YAP1: variants seen among roughly 807,000 people sequenced by gnomAD.
The protein encoded by YAP1 is Yes1 associated transcriptional regulator, also known as transcriptional coactivator YAP1.
Under a neutral mutation model 56.9 loss-of-function variants are expected in YAP1, and 5 were observed. The observed-to-expected ratio is 0.09, with a 90% confidence interval of 0.05 to 0.18. The LOEUF is 0.18. YAP1 is among the 10% of genes least tolerant of loss of function. The pLI, the probability that YAP1 is intolerant of heterozygous loss-of-function variation, is 1.00. For missense variants in YAP1, 539 were observed against 651.8 expected, an observed-to-expected ratio of 0.83 and a Z score of 1.88; for synonymous variants, 265 against 248.1, an observed-to-expected ratio of 1.07 and a Z score of -0.64.
chr11:102,184,454 G>C (rs1413894492), intron 3 of YAP1, among the ~76,000 whole-genome samples: 1 of 152,172 alleles, frequency 6.6e-6, no homozygotes, highest in Non-Finnish European at 1.5e-5. Flanking sequence ...CTCTGGACTT[G>C]GTTAGTAGTG....
chr11:102,232,516 C>G lies in YAP1; in HGVS notation c.*2576C>G, dbSNP rs368664317. ...CAGTACTGTGATACCTGGCACAGTG[C>G]TTTGATCTTACGATGCCCTCTGTAC... On this transcript the variant is annotated 3_prime_UTR_variant, in exon 9 of 9. Coordinates refer to ENST00000282441, the MANE Select transcript of YAP1 (RefSeq NM_001130145.3). 1 of 152,458 alleles carries G rather than the reference C, an allele frequency of 6.6e-6. No individual in the cohort carries two copies. The highest frequency in any genetic ancestry group is 2.4e-5 in the African/African-American group (1 of 41,430). 9.4% of individuals were successfully genotyped at this position (152,458 alleles called of 1,614,324 possible).
chr11:102,167,644 G>A (rs1366900991), intron 3 of YAP1, among the ~76,000 whole-genome samples: 1 of 152,186 alleles, frequency 6.6e-6, no homozygotes, highest in Non-Finnish European at 1.5e-5. Flanking sequence ...TGAGGCAGGA[G>A]AATCACTTGA....
intron 4 of YAP1, among the ~76,000 whole-genome samples, chr11:102,190,568 G>A (rs949053121): frequency 6.6e-6 from 1 of 152,204 alleles, no homozygotes; most frequent in South Asian, 2.1e-4. Context: ...AGAGGTTGCA[G>A]TGAGTGAATA....
In YAP1 at chr11:102,226,040, C is replaced by T. The variant is rs569147903; in HGVS notation, c.1164-1429C>T. Reference sequence around the variant, plus strand: ...CCCCTGTGGTTTGGAATGAACTCTGCGCAACTCTGTAAGTTCAGTTATTCA... The same window carrying T: ...CCCCTGTGGTTTGGAATGAACTCTGTGCAACTCTGTAAGTTCAGTTATTCA... On this transcript the variant is annotated intron_variant, in intron 7 of 8. Coordinates refer to ENST00000282441, the MANE Select transcript of YAP1 (RefSeq NM_001130145.3). Among the ~76,000 whole-genome samples the T allele has an allele frequency of 9.9e-5, 15 of 152,282 alleles. No individual in the cohort carries two copies. In the South Asian group the frequency reaches 2.9e-3, roughly 29 times the overall value.
intron 3 of YAP1, among the ~76,000 whole-genome samples, chr11:102,166,685 C>T (rs545515962): frequency 2.0e-5 from 3 of 152,312 alleles, no homozygotes; most frequent in Admixed American, 6.5e-5. Flanking sequence ...AAAGCTACAC[C>T]GTGCTTTTGA....
rs899190486 is a variant in YAP1, at chr11:102,230,754, T to C, written c.*814T>C. The C allele has an allele frequency of 2.0e-5, 3 of 152,590 alleles. No homozygotes were observed. Among genetic ancestry groups the C allele is most frequent in the African/African-American group, 7.2e-5 (3 of 41,438 alleles). 9.5% of individuals were successfully genotyped at this position (152,590 alleles called of 1,614,324 possible). On this transcript the variant is annotated 3_prime_UTR_variant, in exon 9 of 9. Transcript: ENST00000282441. ...AGGCAAATGACCATATTAGTGAATC[T>C]GTTAATAGTTGTAGCTTGGGATGGT...
intron 4 of YAP1, among the ~76,000 whole-genome samples, chr11:102,193,011 T>A (rs78397720): frequency 3.9e-4 from 59 of 152,326 alleles, no homozygotes; most frequent in South Asian, 8.3e-4. Context: ...TTAAACATGT[T>A]CATGTTAGCA....
intron 3 of YAP1, among the ~76,000 whole-genome samples, chr11:102,167,791 A>T (rs1431235909): frequency 1.3e-5 from 2 of 152,176 alleles, no homozygotes; most frequent in Non-Finnish European, 2.9e-5. Flanking sequence ...TAATCCGAGC[A>T]CTTTGAGAAG....
chr11:102,152,354 AC>A (rs1945704830), intron 2 of YAP1, among the ~76,000 whole-genome samples: 1 of 152,208 alleles, frequency 6.6e-6, no homozygotes, highest in Non-Finnish European at 1.5e-5. Context: ...TCTACCAGTG[AC>A]CCCGATGTTA....
intron 3 of YAP1, among the ~76,000 whole-genome samples, chr11:102,166,014 G>T (rs576985071): frequency 2.1e-4 from 32 of 152,292 alleles, no homozygotes; most frequent in African/African-American, 7.5e-4. Flanking sequence ...CGAGGTTATT[G>T]CCTTTTATGG....
chr11:102,179,021 C>T (rs998765012), intron 3 of YAP1, among the ~76,000 whole-genome samples: 5 of 152,010 alleles, frequency 3.3e-5, no homozygotes, highest in African/African-American at 7.2e-5. Context: ...GGGGATGGTG[C>T]GAAGCCATTC....
intron 3 of YAP1, among the ~76,000 whole-genome samples, chr11:102,179,840 A>G (rs1414804381): frequency 6.6e-6 from 1 of 152,138 alleles, no homozygotes; most frequent in African/African-American, 2.4e-5. Flanking sequence ...AACTCAATAA[A>G]TACTTGTTGA....
intron 6 of YAP1, among the ~76,000 whole-genome samples, chr11:102,219,361 G>C (rs574040388): frequency 1.1e-3 from 175 of 152,234 alleles, no homozygotes; most frequent in African/African-American, 4.0e-3. Flanking sequence ...TAAGTGCTGT[G>C]TTCAGGATGT....
At position 102,231,586 on chromosome 11, in the gene YAP1, A is replaced by G. The variant is rs920799279; in HGVS notation, c.*1646A>G. ...TGATGTAACTAGAGTATGTGTCTAC[A>G]GGAGTAATAATGGTTTCCAAAGAGT... On this transcript the variant is annotated 3_prime_UTR_variant, in exon 9 of 9. Transcript: ENST00000282441. 2 of 152,644 alleles carry G rather than the reference A, an allele frequency of 1.3e-5. No individual in the cohort carries two copies. Among genetic ancestry groups the G allele is most frequent in the Admixed American group, 6.5e-5 (1 of 15,278 alleles). 9.5% of individuals were successfully genotyped at this position (152,644 alleles called of 1,614,324 possible). A position where few individuals can be genotyped will look rare whatever the true frequency, so the allele number is the denominator to read the frequency against.
chr11:102,128,914 C>G (rs772351795), intron 2 of YAP1, among the ~76,000 whole-genome samples: 1 of 152,074 alleles, frequency 6.6e-6, no homozygotes, highest in Non-Finnish European at 1.5e-5. Context: ...GCCTCTCTCT[C>G]TCTTCCTTTG....
chr11:102,161,704 T>A (rs1591278490), intron 2 of YAP1, among the ~76,000 whole-genome samples: 1 of 151,956 alleles, frequency 6.6e-6, no homozygotes, highest in Non-Finnish European at 1.5e-5. Context: ...ACAATGAAAC[T>A]TTGCTACAAG....
At chr11:102,151,481 T>C (rs555186220) in intron 2 of YAP1, among the ~76,000 whole-genome samples, 18 of 152,362 alleles carry the variant, frequency 1.2e-4, no homozygotes, top group African/African-American at 4.3e-4. Context: ...CAAGAACCTT[T>C]CCATAAACAC....
intron 2 of YAP1, among the ~76,000 whole-genome samples, chr11:102,120,062 CA>C (rs1180847282): frequency 2.0e-5 from 3 of 152,118 alleles, no homozygotes; most frequent in Non-Finnish European, 4.4e-5. Context: ...GCACTTCTTA[CA>C]AAAAGGGCTT....
At chr11:102,186,344 TG>T (rs1410242013) in intron 4 of YAP1, 1 of 481,550 alleles carries the variant, frequency 2.1e-6, no homozygotes, top group African/African-American at 2.0e-5. Context: ...CTCCTCAGGT[TG>T]GGGTGGGGGA....
Sources: gnomAD v4.1 joint callset for allele counts (sites outside exome capture counted in the v4.1 genomes callset) on GRCh38, gnomAD v4.1.1 for gene constraint, MANE v1.5 for transcripts, NCBI Gene and HGNC (gene_info 2026-07-23, HGNC 2026-07-21) for gene names.